The following EYA4 variants were observed in gnomAD, a reference collection of about 807,000 sequenced individuals.
EYA4 encodes EYA transcriptional coactivator and phosphatase 4, also known as protein phosphatase EYA4.
In EYA4, 31 loss-of-function variants were observed where a neutral mutation model predicts 87.9. The observed-to-expected ratio is 0.35, with a 90% CI of 0.27 to 0.48. EYA4 has a LOEUF of 0.48. Among genes scored for constraint, EYA4 ranks in the 20% least tolerant of loss-of-function variants. EYA4 has a pLI of 0.99. For synonymous variants in EYA4, 263 were observed against 270.6 expected, an observed-to-expected ratio of 0.97 and a Z score of 0.28; for missense variants, 678 against 761.4, an observed-to-expected ratio of 0.89 and a Z score of 1.29.
At chr6:133,389,995 G>C (rs766691220) in intron 3 of EYA4, among the ~76,000 whole-genome samples, 3 of 152,244 alleles carry the variant, frequency 2.0e-5, no homozygotes, top group South Asian at 4.2e-4. Flanking sequence ...AAGACTGTCA[G>C]AGAGCCTTTC....
chr6:133,388,982 T>G (rs1787018786), intron 3 of EYA4, among the ~76,000 whole-genome samples: 1 of 152,026 alleles, frequency 6.6e-6, no homozygotes, highest in South Asian at 2.1e-4. Context: ...TGTTAGGAGG[T>G]CTGCATTCAC....
intron 3 of EYA4, among the ~76,000 whole-genome samples, chr6:133,436,781 T>C (rs1791726787): frequency 6.6e-6 from 1 of 152,198 alleles, no homozygotes; most frequent in African/African-American, 2.4e-5. Flanking sequence ...TGGGAGTGTT[T>C]GAACATCAAG....
Position 133,464,894 on chromosome 6 carries a change from T to C in EYA4, c.804+36T>C, listed in dbSNP as rs985377624. 9.1e-6 allele frequency: 13 copies of C among 1,435,568 alleles called. No homozygotes were observed. The East Asian group carries it at 2.7e-4, about 30-fold the overall frequency. The allele number at this position is 1,435,568 out of a possible 1,614,324, so 88.9% of individuals were successfully genotyped here. A position where few individuals can be genotyped will look rare whatever the true frequency, so the allele number is the denominator to read the frequency against. On this transcript the variant is annotated intron_variant, in intron 10 of 19. Coordinates refer to ENST00000355286, the MANE Select transcript of EYA4 (RefSeq NM_004100.5). ...TTTTTGTGTTTATGCTTTTTATATG[T>C]ATTTCAGATTTTTGAAGAGTACTCT...
intron 2 of EYA4, among the ~76,000 whole-genome samples, chr6:133,328,462 C>T (rs1781673293): frequency 1.3e-5 from 2 of 152,068 alleles, no homozygotes; most frequent in African/African-American, 4.8e-5. Flanking sequence ...AATCTTCTAA[C>T]ACGTAGACTA....
At chr6:133,277,243 T>G (rs76587409) in intron 2 of EYA4, among the ~76,000 whole-genome samples, 1 of 152,188 alleles carries the variant, frequency 6.6e-6, no homozygotes, top group African/African-American at 2.4e-5. Context: ...TATTCCTTCA[T>G]TGCAATTTTT....
At chr6:133,369,981 C>T (rs187534770) in intron 2 of EYA4, among the ~76,000 whole-genome samples, 13 of 152,218 alleles carry the variant, frequency 8.5e-5, no homozygotes, top group South Asian at 4.1e-4. Flanking sequence ...AACAGAAGGG[C>T]GTGGAAAGCC....
At chr6:133,473,941 C>T (rs1217608008) in intron 11 of EYA4, among the ~76,000 whole-genome samples, 1 of 151,966 alleles carries the variant, frequency 6.6e-6, no homozygotes, top group Non-Finnish European at 1.5e-5. Context: ...TGGGTCAATA[C>T]TTGTGTTGCA....
intron 1 of EYA4, among the ~76,000 whole-genome samples, chr6:133,263,798 C>A (rs1775987457): frequency 6.6e-6 from 1 of 152,054 alleles, no homozygotes. Context: ...TTTCTGTGAC[C>A]CAGGCAACTC....
chr6:133,243,463 G>C (rs1382014609), intron 1 of EYA4, among the ~76,000 whole-genome samples: 1 of 152,118 alleles, frequency 6.6e-6, no homozygotes, highest in African/African-American at 2.4e-5. Flanking sequence ...GGAGTCTTAG[G>C]AGCGTTTAAC....
intron 2 of EYA4, among the ~76,000 whole-genome samples, chr6:133,365,759 G>C: frequency 6.6e-6 from 1 of 152,042 alleles, no homozygotes; most frequent in South Asian, 2.1e-4. Flanking sequence ...GGAGATTTAG[G>C]GAAGGGGAGT....
intron 11 of EYA4, among the ~76,000 whole-genome samples, chr6:133,469,726 A>G (rs528537222): frequency 6.6e-6 from 1 of 152,164 alleles, no homozygotes; most frequent in East Asian, 1.9e-4. Flanking sequence ...AAAAGCTAAA[A>G]CTATAAAACT....
At chr6:133,455,375 C>T (rs1793811618) in intron 5 of EYA4, among the ~76,000 whole-genome samples, 1 of 146,298 alleles carries the variant, frequency 6.8e-6, no homozygotes, top group South Asian at 2.1e-4. Flanking sequence ...CTGTTTCCAA[C>T]ATTTACATTT....
chr6:133,311,347 A>G (rs1487927809), intron 2 of EYA4, among the ~76,000 whole-genome samples: 1 of 152,066 alleles, frequency 6.6e-6, no homozygotes, highest in Non-Finnish European at 1.5e-5. Context: ...TTATTTTTAG[A>G]CAGGGTCTCA....
intron 3 of EYA4, among the ~76,000 whole-genome samples, chr6:133,425,801 T>C (rs1384907811): frequency 6.6e-6 from 1 of 150,662 alleles, no homozygotes; most frequent in Non-Finnish European, 1.5e-5. Flanking sequence ...CACACACTTT[T>C]CTGAAGTGTA....
At chr6:133,278,233 T>C (rs924078344) in intron 2 of EYA4, among the ~76,000 whole-genome samples, 1 of 152,212 alleles carries the variant, frequency 6.6e-6, no homozygotes, top group Non-Finnish European at 1.5e-5. Flanking sequence ...CCTGTAATTC[T>C]TGAAGACTCA....
At chr6:133,252,938 T>C (rs1215923785) in intron 1 of EYA4, among the ~76,000 whole-genome samples, 7 of 136,122 alleles carry the variant, frequency 5.1e-5, no homozygotes, top group African/African-American at 2.0e-4. Flanking sequence ...TAGAGGTACT[T>C]GAAAACACAC....
At chr6:133,519,324 A>T (rs1209282910) in intron 17 of EYA4, among the ~76,000 whole-genome samples, 1 of 152,144 alleles carries the variant, frequency 6.6e-6, no homozygotes, top group East Asian at 1.9e-4. Flanking sequence ...TATCACCACC[A>T]ATCCCACAGA....
intron 2 of EYA4, among the ~76,000 whole-genome samples, chr6:133,315,383 A>G (rs895825031): frequency 5.3e-5 from 8 of 152,200 alleles, no homozygotes; most frequent in Non-Finnish European, 8.8e-5. Context: ...TCAAGGTGAA[A>G]TATTTCTTTA....
intron 7 of EYA4, among the ~76,000 whole-genome samples, chr6:133,461,486 T>C (rs1049585096): frequency 1.3e-5 from 2 of 152,208 alleles, no homozygotes; most frequent in Admixed American, 6.6e-5. Flanking sequence ...AATTCCATCA[T>C]TGAAATTCTT....
Sources: gnomAD v4.1 joint callset for allele counts (sites outside exome capture counted in the v4.1 genomes callset) on GRCh38, gnomAD v4.1.1 for gene constraint, MANE v1.5 for transcripts, NCBI Gene and HGNC (gene_info 2026-07-23, HGNC 2026-07-21) for gene names.